CCDC88A: variants seen among roughly 807,000 people sequenced by gnomAD.
CCDC88A encodes girdin.
CCDC88A carries 54 observed loss-of-function variants against 234.3 expected under a neutral mutation model. The observed-to-expected ratio is 0.23, with a 90% CI of 0.19 to 0.29. The LOEUF is 0.29. CCDC88A is among the 10% of genes least tolerant of loss of function. The pLI is 1.00. For synonymous variants in CCDC88A, 753 were observed against 737.8 expected, an observed-to-expected ratio of 1.02 and a Z score of -0.33; for missense variants, 1,832 against 2,123.4, an observed-to-expected ratio of 0.86 and a Z score of 2.70.
At chr2:55,381,175 GTGTGTAGTAGACTATATCATC>G (rs1348473525) in intron 3 of CCDC88A, among the ~76,000 whole-genome samples, 1 of 152,118 alleles carries the variant, frequency 6.6e-6, no homozygotes, top group African/African-American at 2.4e-5. Flanking sequence ...TATACCGTAG[GTGTGTAGTAGACTATATCATC>G]TACATTTGTG....
chr2:55,365,054 A>C (rs1671777507), intron 5 of CCDC88A, among the ~76,000 whole-genome samples: 1 of 152,196 alleles, frequency 6.6e-6, no homozygotes, highest in Non-Finnish European at 1.5e-5. Flanking sequence ...CTGTAATGCT[A>C]TATTTTCTAC....
chr2:55,402,749 C>A (rs1424593878), intron 2 of CCDC88A, among the ~76,000 whole-genome samples: 1 of 151,596 alleles, frequency 6.6e-6, no homozygotes, highest in Non-Finnish European at 1.5e-5. Context: ...GTGGCTCATG[C>A]CTGTAATCCC....
chr2:55,415,733 A>C (rs1681256541), intron 2 of CCDC88A, among the ~76,000 whole-genome samples: 1 of 152,214 alleles, frequency 6.6e-6, no homozygotes, highest in African/African-American at 2.4e-5. Flanking sequence ...AAAGATAGTG[A>C]AAGAACCACC....
intron 23 of CCDC88A, among the ~76,000 whole-genome samples, chr2:55,311,685 G>A (rs1558646694): frequency 6.6e-6 from 1 of 152,182 alleles, no homozygotes; most frequent in Non-Finnish European, 1.5e-5. Flanking sequence ...GGGGCAAAGA[G>A]AAGAGATGTA....
At chr2:55,314,957 A>T (rs548478295) in intron 22 of CCDC88A, 43 of 152,284 alleles carry the variant, frequency 2.8e-4, no homozygotes, top group Admixed American at 2.5e-3. Context: ...TTAACATTTG[A>T]CCCAAATTGT....
Position 55,409,547 on chromosome 2 carries a change from T to G in CCDC88A, c.164+9269A>C, listed in dbSNP as rs183483253. 2.6e-4 allele frequency among the ~76,000 whole-genome samples: 39 copies of G among 152,290 alleles called. No individual in the cohort carries two copies. In the East Asian group the frequency reaches 7.2e-3, roughly 28 times the overall value. ...TAGCATCTAACAGTTTATTACACAG[T>G]AAGTACTTAGAAACTATTCCCATAT... is the stretch of plus-strand genomic sequence containing the variant. On this transcript the variant is annotated intron_variant, in intron 2 of 32. Transcript: ENST00000436346.
At chr2:55,354,568 T>C (rs1025125297) in intron 8 of CCDC88A, among the ~76,000 whole-genome samples, 2 of 151,418 alleles carry the variant, frequency 1.3e-5, no homozygotes, top group Non-Finnish European at 2.9e-5. Flanking sequence ...TATGCTTTTT[T>C]TCTTTCTTTT....
In CCDC88A at chr2:55,294,254, T is replaced by C; in HGVS notation, c.5551+1343A>G. Reference sequence around the variant, plus strand: ...CTATTGTATTAACTGATTTCAAGTATAGAAGCCATCTTGAAGAAAAGACAG... The same window carrying C: ...CTATTGTATTAACTGATTTCAAGTACAGAAGCCATCTTGAAGAAAAGACAG... On this transcript the variant is annotated intron_variant, in intron 31 of 32. Coordinates refer to ENST00000436346, the MANE Select transcript of CCDC88A (RefSeq NM_001365480.1). 4.2e-6 allele frequency: 4 copies of C among 945,844 alleles called. No individual in the cohort carries two copies. The South Asian group carries it at 1.5e-4, about 35-fold the overall frequency. 58.6% of individuals were successfully genotyped at this position (945,844 alleles called of 1,614,324 possible).
chr2:55,376,154 G>T (rs1298812146), intron 3 of CCDC88A, among the ~76,000 whole-genome samples: 1 of 152,100 alleles, frequency 6.6e-6, no homozygotes, highest in Admixed American at 6.6e-5. Flanking sequence ...GAAATACATT[G>T]TATCTGCCAT....
At chr2:55,357,196 C>T (rs1282218313) in intron 7 of CCDC88A, among the ~76,000 whole-genome samples, 2 of 152,304 alleles carry the variant, frequency 1.3e-5, no homozygotes, top group Admixed American at 1.3e-4. Context: ...CTAGCTAATA[C>T]ACCATGACTC....
In CCDC88A at chr2:55,418,875, G is replaced by A; in HGVS notation, c.105C>T (p.Asn35=). The A allele has an allele frequency of 6.2e-7, 1 of 1,614,158 alleles. No homozygotes were observed. Among genetic ancestry groups the A allele is most frequent in the Non-Finnish European group, 8.5e-7 (1 of 1,180,018 alleles). ...CCACCAAAGCCACATATTCATCAAG[G>A]TTGGTCCCATTTCCTGCGGCCAGAG... is the stretch of plus-strand genomic sequence containing the variant. The part of the protein sequence containing the change: ...FGPLAAGNGT[N]LDEYVALVDG... The change falls in exon 2 of 33, where the codon AAC becomes AAT. Residue 35 remains asparagine, a synonymous_variant. Transcript: ENST00000436346.
chr2:55,400,413 C>A (rs532197078), intron 2 of CCDC88A, among the ~76,000 whole-genome samples: 3 of 152,238 alleles, frequency 2.0e-5, no homozygotes, highest in African/African-American at 7.2e-5. Flanking sequence ...GACAAATAGC[C>A]TAGCAATATG....
chr2:55,368,510 A>G (rs3099076), intron 5 of CCDC88A, among the ~76,000 whole-genome samples: 67,156 of 150,800 alleles, frequency 0.45, 16,318 homozygotes, highest in East Asian at 0.85. Flanking sequence ...TTTTTGTATA[A>G]ATAGAGTTTC....
chr2:55,334,577 G>C lies in CCDC88A; in HGVS notation c.2244C>G (p.Phe748Leu), dbSNP rs558696681. 6.2e-7 allele frequency: 1 copy of C among 1,612,966 alleles called. No individual in the cohort carries two copies. The highest frequency in any genetic ancestry group is 8.5e-7 in the Non-Finnish European group (1 of 1,179,662). Residue 748 changes from phenylalanine to leucine, a missense_variant, in exon 15 of 33, where the codon TTC becomes TTG. Phe to Leu is a conservative substitution (Grantham distance 22). This residue lies in a region of CCDC88A where 1,282 missense variants were observed against 1,543.6 expected (regional missense o/e 0.83). Transcript: ENST00000436346. This position sits in a 1 kb window ranked among gnomAD's most constrained non-coding sequence, Gnocchi z 6.1. ...TAACTTCTAAGCGTTCTGTTTTCTT[G>C]AAAGATGCTTTCAGGAGCTCCAAAC... ...KKGLELLKAS[F>L]KKTERLEVSY...
At chr2:55,387,868 G>C (rs1254760549) in intron 3 of CCDC88A, among the ~76,000 whole-genome samples, 1 of 149,842 alleles carries the variant, frequency 6.7e-6, no homozygotes, top group Non-Finnish European at 1.5e-5. Context: ...TCTTCAGGAA[G>C]ATTTAACAAT....
In CCDC88A at chr2:55,291,679, T is replaced by G; in HGVS notation, c.*32A>C. 2.1e-6 allele frequency: 3 copies of G among 1,410,296 alleles called. No homozygotes were observed. The highest frequency in any genetic ancestry group is 1.8e-4 in the Middle Eastern group (1 of 5,642). 87.4% of individuals were successfully genotyped at this position (1,410,296 alleles called of 1,614,324 possible). ...ACATTTTAAGCAGGAAACTCACCAC[T>G]TGGCCCACATGTCATGTAGTGGGTA... On this transcript the variant is annotated 3_prime_UTR_variant, in exon 32 of 33. Transcript: ENST00000436346.
intron 2 of CCDC88A, among the ~76,000 whole-genome samples, chr2:55,392,614 G>A (rs1313031914): frequency 6.6e-6 from 1 of 152,188 alleles, no homozygotes; most frequent in Non-Finnish European, 1.5e-5. Context: ...TTGCTGATAG[G>A]TTAATGCTGA....
chr2:55,366,538 C>CAT (rs888048996), intron 5 of CCDC88A, among the ~76,000 whole-genome samples: 1 of 64,080 alleles, frequency 1.6e-5, no homozygotes, highest in African/African-American at 7.5e-5. Flanking sequence ...CACACATACA[C>CAT]ACACACACAC....
Position 55,339,596 on chromosome 2 carries a change from T to C in CCDC88A, c.1386A>G (p.Leu462=). 1.9e-6 allele frequency: 3 copies of C among 1,613,782 alleles called. No individual in the cohort carries two copies. Among genetic ancestry groups the C allele is most frequent in the Non-Finnish European group, 2.5e-6 (3 of 1,179,860 alleles). The change falls in exon 13 of 33, where the codon TTA becomes TTG. Residue 462 remains leucine (L), a synonymous_variant. Coordinates refer to ENST00000436346, the MANE Select transcript of CCDC88A (RefSeq NM_001365480.1). ...TTTGATTTTCCATCTCTAGCTTCAA[T>C]AATCTACTTGATGTCAACTCATTCA... is the stretch of plus-strand genomic sequence containing the variant. The part of the protein sequence containing the change: ...HEVNELTSSR[L]LKLEMENQSL...
Sources: gnomAD v4.1 joint callset for allele counts (sites outside exome capture counted in the v4.1 genomes callset) on GRCh38, gnomAD v4.1.1 for gene constraint, gnomAD v4.1.1 regional missense constraint, Gnocchi (gnomAD v3.1) non-coding constraint, MANE v1.5 for transcripts, NCBI Gene and HGNC (gene_info 2026-07-23, HGNC 2026-07-21) for gene names.